The following PCDHAC1 variants were observed in gnomAD, a reference collection of about 807,000 sequenced individuals.
PCDHAC1 encodes protocadherin alpha subfamily C, 1.
A neutral mutation model predicts 60.0 loss-of-function variants in PCDHAC1; 42 were observed. The observed-to-expected ratio is 0.70, with a 90% confidence interval of 0.55 to 0.90. PCDHAC1 has a LOEUF of 0.90. PCDHAC1 is among the 40% of genes least tolerant of loss of function. The pLI, the probability that PCDHAC1 is intolerant of heterozygous loss-of-function variation, is 0.00. For synonymous variants in PCDHAC1, 468 were observed against 499.3 expected (o/e 0.94, Z 0.84); for missense variants, 1,160 against 1,222.3 (o/e 0.95, Z 0.76).
rs1554205452 is a variant in PCDHAC1 at position 140,928,080 on chromosome 5, C to T, written c.1188C>T (p.Ser396=). ...CGGCTTCCTTTGACAACTACTACAG[C>T]CTGCTGATTGATGGGCCCCTGGACC... ...QLTASFDNYY[S]LLIDGPLDRE... is the part of the protein sequence containing the mutation. Residue 396 remains serine (S), a synonymous_variant, in exon 1 of 4, where the codon AGC becomes AGT. Transcript: ENST00000253807. The T allele has an allele frequency of 2.5e-6, 4 of 1,614,072 alleles. No homozygotes were observed. The African/African-American group carries it at 4.0e-5, about 16-fold the overall frequency.
intron 1 of PCDHAC1, chr5:140,968,000 C>T: frequency 1.2e-6 from 2 of 1,614,234 alleles, no homozygotes; most frequent in Non-Finnish European, 8.5e-7. Context: ...GCCTTTCCGA[C>T]TGAATGGCTT....
chr5:140,935,447 A>G (rs542363713), intron 1 of PCDHAC1, among the ~76,000 whole-genome samples: 1 of 152,364 alleles, frequency 6.6e-6, no homozygotes, highest in South Asian at 2.1e-4. Flanking sequence ...AAATAATATG[A>G]TACTGTAGCA....
intron 1 of PCDHAC1, among the ~76,000 whole-genome samples, chr5:140,952,473 A>C (rs1262702527): frequency 6.6e-6 from 1 of 152,210 alleles, no homozygotes; most frequent in Non-Finnish European, 1.5e-5. Flanking sequence ...GCATAAGGAA[A>C]GTGACATTTG....
rs782292892 is a variant in PCDHAC1, at chr5:140,927,741, C to T, written c.849C>T (p.Arg283=). 1 of 1,614,244 alleles carries T rather than the reference C, an allele frequency of 6.2e-7. No individual in the cohort carries two copies. Among genetic ancestry groups the T allele is most frequent in the East Asian group, 2.2e-5 (1 of 44,878 alleles). The change falls in exon 1 of 4, where the codon CGC becomes CGT. Residue 283 remains arginine, a synonymous_variant. Transcript: ENST00000253807. ...GCACGCAAGCAGAGCTGCGACACCG[C>T]TTTCACGTGCACCCTAAAAGTGGGG... The part of the protein sequence containing the change: ...SNSTQAELRH[R]FHVHPKSGEV...
At chr5:140,978,862 T>C (rs750080921) in intron 1 of PCDHAC1, 87 bp from the exon 2 acceptor site, 138 of 1,599,976 alleles carry the variant, frequency 8.6e-5, no homozygotes, top group Non-Finnish European at 1.1e-4. Flanking sequence ...CTGGAAATAT[T>C]TAAGGGAGTA....
At chr5:140,989,851 G>C (rs1247481417) in intron 3 of PCDHAC1, among the ~76,000 whole-genome samples, 1 of 152,106 alleles carries the variant, frequency 6.6e-6, no homozygotes, top group Non-Finnish European at 1.5e-5. Context: ...TGTGTGGACT[G>C]GAGAGGAATC....
intron 2 of PCDHAC1, among the ~76,000 whole-genome samples, chr5:140,981,993 G>A (rs533430599): frequency 6.6e-6 from 1 of 152,272 alleles, no homozygotes; most frequent in Admixed American, 6.5e-5. Flanking sequence ...TAGAAAATAA[G>A]GTTAAGAATT....
In PCDHAC1 at chr5:140,929,324, T is replaced by A. The variant is rs781810168; in HGVS notation, c.2432T>A (p.Met811Lys). The change falls in exon 1 of 4, where the codon ATG becomes AAG. Residue 811 changes from methionine to lysine, a missense_variant and splice_region_variant. Transcript: ENST00000253807. ...RKGDHANVNAMPRQPNPDWRY... is the reference protein window; with the variant it reads ...RKGDHANVNAKPRQPNPDWRY... ...GGGGATCACGCTAATGTCAATGCCA[T>A]GGTAAGCAAATTTTATGGAATTTGA... The A allele has an allele frequency of 6.5e-7, 1 of 1,540,130 alleles. No homozygotes were observed. Among genetic ancestry groups the A allele is most frequent in the African/African-American group, 1.4e-5 (1 of 72,486 alleles).
chr5:140,926,683 C>A lies in PCDHAC1; in HGVS notation c.-210C>A. On this transcript the variant is annotated 5_prime_UTR_variant, in exon 1 of 4. Coordinates refer to ENST00000253807, the MANE Select transcript of PCDHAC1 (RefSeq NM_018898.5). Reference sequence around the variant, plus strand: ...CCCAGACGGCTGCCCAGCCTCCAGCCTAGCAAGCCCGGCTCCCAGCTGGCC... The same window carrying A: ...CCCAGACGGCTGCCCAGCCTCCAGCATAGCAAGCCCGGCTCCCAGCTGGCC... 3 of 669,314 alleles carry A rather than the reference C, an allele frequency of 4.5e-6. No homozygotes were observed. The highest frequency in any genetic ancestry group is 6.7e-6 in the Non-Finnish European group (3 of 445,742). 41.5% of individuals were successfully genotyped at this position (669,314 alleles called of 1,614,324 possible).
chr5:140,977,383 G>A (rs2096759264), intron 1 of PCDHAC1, among the ~76,000 whole-genome samples: 1 of 152,134 alleles, frequency 6.6e-6, no homozygotes, highest in Non-Finnish European at 1.5e-5. Context: ...ATATTTCCAG[G>A]TTTATAAAAT....
In PCDHAC1 at chr5:140,988,105, A is replaced by C. The variant is rs2097283158; in HGVS notation, c.2581+5542A>C. On this transcript the variant is annotated intron_variant, in intron 3 of 3. Transcript: ENST00000253807. ...TGAGTGCAGCCTCGGGCCTTGTTGGAGAATTTAGAAAGCATGCTGTTCCAC... is the reference window on the plus strand; with the variant it reads ...TGAGTGCAGCCTCGGGCCTTGTTGGCGAATTTAGAAAGCATGCTGTTCCAC... Among the ~76,000 whole-genome samples the C allele has an allele frequency of 2.6e-5, 4 of 152,138 alleles. No individual in the cohort carries two copies. In the South Asian group the frequency reaches 8.3e-4, roughly 32 times the overall value.
intron 1 of PCDHAC1, among the ~76,000 whole-genome samples, chr5:140,970,530 T>C (rs1554232541): frequency 6.6e-6 from 1 of 151,424 alleles, no homozygotes; most frequent in Non-Finnish European, 1.5e-5. Context: ...GATGAATATG[T>C]GTGTGTGTTT....
At chr5:140,967,479 C>T (rs782390272) in intron 1 of PCDHAC1, 7 of 1,613,262 alleles carry the variant, frequency 4.3e-6, no homozygotes, top group East Asian at 2.2e-5. Context: ...CCAGCCCGCT[C>T]GGGTACGGCA....
chr5:140,974,605 G>T (rs2096633635), intron 1 of PCDHAC1, among the ~76,000 whole-genome samples: 1 of 152,088 alleles, frequency 6.6e-6, no homozygotes, highest in Non-Finnish European at 1.5e-5. Context: ...TCTGCCTCCA[G>T]GGTTCAAGCG....
intron 1 of PCDHAC1, among the ~76,000 whole-genome samples, chr5:140,937,615 T>TCAAAAAAAAAAAAAAAAAAAAAAAA (rs1472779704): frequency 5.3e-5 from 8 of 149,546 alleles, no homozygotes; most frequent in African/African-American, 2.0e-4. Context: ...ATACTCCATC[T>TCAAAAAAAAAAAAAAAAAAAAAAAA]AAAAAGAAAA....
chr5:140,947,402 T>C (rs550043631), intron 1 of PCDHAC1, among the ~76,000 whole-genome samples: 1 of 151,868 alleles, frequency 6.6e-6, no homozygotes, highest in East Asian at 1.9e-4. Context: ...AAGTAGACTG[T>C]CTTGATATTG....
rs782568393 is a variant in PCDHAC1 at position 141,011,637 on chromosome 5, C to G, written c.*1700C>G. The G allele has an allele frequency of 2.0e-5, 3 of 153,526 alleles. No homozygotes were observed. Among genetic ancestry groups the G allele is most frequent in the Non-Finnish European group, 4.4e-5 (3 of 68,022 alleles). The allele number at this position is 153,526 out of a possible 1,614,324, so 9.5% of individuals were successfully genotyped here. ...GGTCCAGCCAAGAGCCATCTCGTGC[C>G]AAGACTTCTGCTGGCAAGGGAATGG... is the stretch of plus-strand genomic sequence containing the variant. On this transcript the variant is annotated 3_prime_UTR_variant, in exon 4 of 4. Transcript: ENST00000253807.
chr5:140,981,948 G>T (rs544785800), intron 2 of PCDHAC1, among the ~76,000 whole-genome samples: 26 of 152,230 alleles, frequency 1.7e-4, no homozygotes, highest in African/African-American at 6.0e-4. Context: ...TATAGGGTGG[G>T]TCATCTATGC....
intron 1 of PCDHAC1, chr5:140,967,700 G>T: frequency 6.2e-7 from 1 of 1,614,196 alleles, no homozygotes; most frequent in Non-Finnish European, 8.5e-7. Context: ...CAGCATAGAT[G>T]CCAGTACCGG....
Sources: allele counts gnomAD v4.1 joint callset (sites outside exome capture counted in the v4.1 genomes callset), GRCh38; gene constraint gnomAD v4.1.1; transcripts MANE v1.5; gene names NCBI Gene and HGNC (gene_info 2026-07-23, HGNC 2026-07-21).